Variants in EAF2 observed in about 807,000 individuals in gnomAD.
EAF2 encodes ELL-associated factor 2.
In EAF2, 29 loss-of-function variants were observed where a neutral mutation model predicts 29.4. The ratio of observed to expected loss-of-function variants is 0.99; its 90% CI spans 0.73 to 1.35. The LOEUF (loss-of-function observed/expected upper bound fraction) is 1.35, where lower values mean the gene tolerates loss of function less well. EAF2 is among the 40% of genes most tolerant of loss of function. EAF2 has a pLI of 0.00. For missense variants in EAF2, 292 were observed against 312.0 expected (o/e 0.94, Z 0.48); for synonymous variants, 103 against 102.5 (o/e 1.00, Z -0.03).
At chr3:121,861,647 A>G (rs1351745457) in intron 4 of EAF2, among the ~76,000 whole-genome samples, 1 of 152,152 alleles carries the variant, frequency 6.6e-6, no homozygotes, top group Non-Finnish European at 1.5e-5. Flanking sequence ...GTGTCTTTTA[A>G]TTGGAGCATT....
chr3:121,876,741 T>C (rs138562967), intron 5 of EAF2, among the ~76,000 whole-genome samples: 54 of 152,020 alleles, frequency 3.6e-4, no homozygotes, highest in African/African-American at 1.3e-3. Flanking sequence ...AATTAATAAA[T>C]ACAATCTATA....
chr3:121,878,410 A>C (rs1045335713), intron 5 of EAF2, among the ~76,000 whole-genome samples: 1 of 152,164 alleles, frequency 6.6e-6, no homozygotes, highest in Non-Finnish European at 1.5e-5. Flanking sequence ...GGTTAAGAAC[A>C]TTTCAAATCT....
intron 4 of EAF2, among the ~76,000 whole-genome samples, chr3:121,866,078 G>A (rs937638547): frequency 6.6e-6 from 1 of 152,088 alleles, no homozygotes; most frequent in African/African-American, 2.4e-5. Context: ...AAGCAGGGGA[G>A]CCAATCACAA....
intron 1 of EAF2, chr3:121,836,926 A>G: frequency 2.4e-6 from 1 of 418,514 alleles, no homozygotes; most frequent in Non-Finnish European, 3.2e-6. Context: ...AATTTAAATG[A>G]ATAAAAAATT....
intron 1 of EAF2, among the ~76,000 whole-genome samples, chr3:121,836,464 T>G (rs1289547183): frequency 1.3e-5 from 2 of 152,200 alleles, no homozygotes; most frequent in African/African-American, 4.8e-5. Flanking sequence ...TTATAGTTAC[T>G]CAAAGTAAAG....
intron 2 of EAF2, among the ~76,000 whole-genome samples, chr3:121,845,440 CAAAAAAAA>C (rs747436052): frequency 8.3e-5 from 5 of 59,968 alleles, no homozygotes; most frequent in African/African-American, 3.1e-4. Flanking sequence ...TCCTACATCT[CAAAAAAAA>C]AAAAAAAAAA....
chr3:121,847,612 C>T (rs1397186254), intron 2 of EAF2, among the ~76,000 whole-genome samples: 1 of 151,846 alleles, frequency 6.6e-6, no homozygotes, highest in East Asian at 1.9e-4. Context: ...AATTATAACT[C>T]ATTTAAACAG....
At chr3:121,856,938 A>T in intron 3 of EAF2, 73 bp from the exon 4 acceptor site, 1 of 1,323,620 alleles carries the variant, frequency 7.6e-7, no homozygotes, top group Non-Finnish European at 1.0e-6. Flanking sequence ...GGTCAGTTTT[A>T]GTAACTTTGT....
intron 4 of EAF2, among the ~76,000 whole-genome samples, chr3:121,870,216 C>CAGT (rs1708988299): frequency 6.6e-6 from 1 of 152,172 alleles, no homozygotes; most frequent in Middle Eastern, 3.4e-3. Flanking sequence ...CAGATAAAGA[C>CAGT]AGTACAAGAA....
intron 5 of EAF2, chr3:121,873,172 ATC>A: frequency 5.0e-6 from 3 of 605,594 alleles, no homozygotes; most frequent in Non-Finnish European, 8.7e-6. Context: ...GCAAATTTAT[ATC>A]TCTGATTCAA....
At chr3:121,857,873 A>G (rs1026124866) in intron 4 of EAF2, among the ~76,000 whole-genome samples, 2 of 152,040 alleles carry the variant, frequency 1.3e-5, no homozygotes, top group African/African-American at 2.4e-5. Context: ...CCTGTGTCCA[A>G]GTGTTCTCAT....
intron 4 of EAF2, among the ~76,000 whole-genome samples, chr3:121,860,195 A>C (rs762235560): frequency 6.6e-6 from 1 of 152,234 alleles, no homozygotes; most frequent in Non-Finnish European, 1.5e-5. Flanking sequence ...CAAATGAGTT[A>C]GGCAGGATTC....
chr3:121,838,859 A>C (rs77416683), intron 1 of EAF2, among the ~76,000 whole-genome samples: 209 of 152,330 alleles, frequency 1.4e-3, no homozygotes, highest in East Asian at 0.011. Flanking sequence ...CCATACACAT[A>C]CATACAAGTT....
chr3:121,864,670 G>T (rs776720410), intron 4 of EAF2, among the ~76,000 whole-genome samples: 9 of 151,780 alleles, frequency 5.9e-5, no homozygotes, highest in Non-Finnish European at 8.8e-5. Context: ...TGCAAAATTA[G>T]CTGGGTGTGG....
At position 121,857,070 on chromosome 3, in the gene EAF2, A is replaced by T. The variant is rs763484505; in HGVS notation, c.398A>T (p.Asn133Ile). The T allele has an allele frequency of 6.2e-7, 1 of 1,613,980 alleles. No homozygotes were observed. The highest frequency in any genetic ancestry group is 8.5e-7 in the Non-Finnish European group (1 of 1,179,870). The change falls in exon 4 of 6, where the codon AAT (asparagine) becomes ATT (isoleucine). Residue 133 changes from asparagine to isoleucine, a missense_variant. Asn to Ile is a moderately radical substitution (Grantham distance 149, BLOSUM62 -3). Transcript: ENST00000273668. ...RKEQQQQQMW[N>I]SARTPNLVKH... The stretch of plus-strand genomic sequence containing the variant: ...GAACAACAGCAACAACAAATGTGGA[A>T]TTCAGCCAGGACTCCCAATCTTGTA...
At chr3:121,849,388 C>G (rs1299681673) in intron 2 of EAF2, among the ~76,000 whole-genome samples, 1 of 152,146 alleles carries the variant, frequency 6.6e-6, no homozygotes, top group Non-Finnish European at 1.5e-5. Flanking sequence ...AATCTCTCTT[C>G]CTTACAAACA....
intron 3 of EAF2, among the ~76,000 whole-genome samples, chr3:121,856,642 C>T (rs986209335): frequency 1.3e-5 from 2 of 152,022 alleles, no homozygotes; most frequent in African/African-American, 4.8e-5. Context: ...TCATGCCCAG[C>T]TAATATTTTT....
At chr3:121,840,318 C>T (rs1390212810) in intron 1 of EAF2, among the ~76,000 whole-genome samples, 1 of 149,814 alleles carries the variant, frequency 6.7e-6, no homozygotes, top group Non-Finnish European at 1.5e-5. Context: ...TGGAGAAAGC[C>T]CGTTTCTACT....
At chr3:121,869,963 A>G (rs935481460) in intron 4 of EAF2, among the ~76,000 whole-genome samples, 5 of 152,216 alleles carry the variant, frequency 3.3e-5, no homozygotes, top group Admixed American at 6.5e-5. Context: ...CTAGTTCCTC[A>G]AAAGCTAAAA....
Sources: allele counts gnomAD v4.1 joint callset (sites outside exome capture counted in the v4.1 genomes callset), GRCh38; gene constraint gnomAD v4.1.1; transcripts MANE v1.5; gene names NCBI Gene and HGNC (gene_info 2026-07-23, HGNC 2026-07-21).